SLC25A26: variants seen among roughly 807,000 people sequenced by gnomAD.
SLC25A26 encodes solute carrier family 25 member 26, also known as mitochondrial S-adenosylmethionine carrier protein.
A neutral mutation model predicts 37.8 loss-of-function variants in SLC25A26; 36 were observed. The ratio of observed to expected loss-of-function variants is 0.95; its 90% CI spans 0.73 to 1.26. The LOEUF (loss-of-function observed/expected upper bound fraction) is 1.26. Ranked by LOEUF, SLC25A26 falls within the 50% of genes most tolerant of loss-of-function variation. The probability of loss-of-function intolerance (pLI) is 0.00; values close to 1 mark genes in which losing one functional copy is unlikely to be tolerated. For missense variants in SLC25A26, 390 were observed against 331.1 expected (o/e 1.18, Z -1.38); for synonymous variants, 129 against 122.5 (o/e 1.05, Z -0.35).
intron 5 of SLC25A26, among the ~76,000 whole-genome samples, chr3:66,332,696 G>A (rs1372195061): frequency 6.6e-6 from 1 of 152,130 alleles, no homozygotes; most frequent in African/African-American, 2.4e-5. Context: ...ACAGGCATGA[G>A]CCACTGTGCC....
At chr3:66,285,315 A>G (rs2074474178) in intron 5 of SLC25A26, among the ~76,000 whole-genome samples, 1 of 151,732 alleles carries the variant, frequency 6.6e-6, no homozygotes, top group Non-Finnish European at 1.5e-5. Context: ...AAGCGAAGTA[A>G]GGGGATTTTT....
At chr3:66,237,770 A>G (rs537657832) in intron 2 of SLC25A26, among the ~76,000 whole-genome samples, 8 of 152,318 alleles carry the variant, frequency 5.3e-5, no homozygotes, top group African/African-American at 1.9e-4. Flanking sequence ...AAAAATCACC[A>G]TATATAAGAC....
chr3:66,150,507 AAATATATATATATAATGATAT>A (rs1193961000), intron 1 of SLC25A26, among the ~76,000 whole-genome samples: 4 of 88,890 alleles, frequency 4.5e-5, no homozygotes, highest in African/African-American at 1.5e-4. Context: ...CAAGACAAAA[AAATATATATATATAATGATAT>A]ATATATATAT....
chr3:66,294,846 C>T (rs2074843428), intron 5 of SLC25A26, among the ~76,000 whole-genome samples: 2 of 152,150 alleles, frequency 1.3e-5, no homozygotes, highest in African/African-American at 2.4e-5. Context: ...GACCATGATG[C>T]TCCAGTTTGT....
At chr3:66,160,018 T>G (rs1318543437) in intron 1 of SLC25A26, among the ~76,000 whole-genome samples, 1 of 152,110 alleles carries the variant, frequency 6.6e-6, no homozygotes, top group Non-Finnish European at 1.5e-5. Flanking sequence ...TTTTTTTTCT[T>G]TTTTGGGACA....
At chr3:66,232,085 A>G (rs900046253) in intron 1 of SLC25A26, among the ~76,000 whole-genome samples, 2 of 152,166 alleles carry the variant, frequency 1.3e-5, no homozygotes, top group African/African-American at 2.4e-5. Context: ...ATATTTGTGC[A>G]TTTATTTCTG....
intron 5 of SLC25A26, among the ~76,000 whole-genome samples, chr3:66,302,851 G>A (rs1261289361): frequency 1.3e-5 from 2 of 152,164 alleles, no homozygotes; most frequent in South Asian, 2.1e-4. Flanking sequence ...CCTTCTGAGT[G>A]TGTAAGGGAG....
intron 5 of SLC25A26, among the ~76,000 whole-genome samples, chr3:66,339,347 A>G (rs996052446): frequency 1.3e-5 from 2 of 152,056 alleles, no homozygotes; most frequent in African/African-American, 2.4e-5. Context: ...CATTTTGCAA[A>G]TATTCCACTC....
At chr3:66,239,492 C>T (rs1483346969) in intron 2 of SLC25A26, among the ~76,000 whole-genome samples, 2 of 152,196 alleles carry the variant, frequency 1.3e-5, no homozygotes, top group Non-Finnish European at 2.9e-5. Flanking sequence ...TGTTTACTGA[C>T]TCATGGATGG....
intron 5 of SLC25A26, among the ~76,000 whole-genome samples, chr3:66,289,591 A>G (rs1035358320): frequency 6.6e-6 from 1 of 151,772 alleles, no homozygotes; most frequent in South Asian, 2.1e-4. Context: ...TCCTTCCCCC[A>G]TTGCTTTTTT....
intron 5 of SLC25A26, among the ~76,000 whole-genome samples, chr3:66,304,062 T>G (rs897413863): frequency 1.3e-5 from 2 of 152,226 alleles, no homozygotes; most frequent in Non-Finnish European, 2.9e-5. Context: ...CAGATCTTGT[T>G]AGGAAGGGGC....
chr3:66,201,899 A>G (rs1284869649), intron 1 of SLC25A26, among the ~76,000 whole-genome samples: 1 of 152,220 alleles, frequency 6.6e-6, no homozygotes, highest in Non-Finnish European at 1.5e-5. Context: ...GATGCAATAT[A>G]GAGTACTTTA....
At chr3:66,305,413 C>CAA (rs2075189413) in intron 5 of SLC25A26, among the ~76,000 whole-genome samples, 2 of 152,078 alleles carry the variant, frequency 1.3e-5, no homozygotes, top group South Asian at 4.1e-4. Context: ...TAACAGATAT[C>CAA]AAATTTTTTA....
At chr3:66,265,638 A>G (rs192663723) in intron 5 of SLC25A26, among the ~76,000 whole-genome samples, 143 of 152,368 alleles carry the variant, frequency 9.4e-4, no homozygotes, top group African/African-American at 3.2e-3. Context: ...ACTAGAGATA[A>G]CAATCTTCTT....
At chr3:66,375,171 C>G (rs937949552) in intron 9 of SLC25A26, among the ~76,000 whole-genome samples, 1 of 152,232 alleles carries the variant, frequency 6.6e-6, no homozygotes, top group Non-Finnish European at 1.5e-5. Flanking sequence ...GGCATTAACT[C>G]TCTTCCCTGA....
intron 5 of SLC25A26, among the ~76,000 whole-genome samples, chr3:66,298,797 A>G (rs2074984441): frequency 6.6e-6 from 1 of 152,226 alleles, no homozygotes; most frequent in Non-Finnish European, 1.5e-5. Flanking sequence ...AGAAAGCATT[A>G]CAGGATGACG....
chr3:66,333,332 A>G (rs1045236504), intron 5 of SLC25A26, among the ~76,000 whole-genome samples: 4 of 151,762 alleles, frequency 2.6e-5, no homozygotes, highest in Non-Finnish European at 2.9e-5. Flanking sequence ...TTCTGTCGTC[A>G]TTTCTATTTT....
Position 66,175,101 on chromosome 3 carries a change from G to GTATA in SLC25A26, c.-354+41118_-354+41119insATAT, listed in dbSNP as rs1160021882. ...CAGGACATTATATGTATATGTATAT[G>GTATA]TGTGTGTGTATATATATATATATAT... On this transcript the variant is annotated intron_variant, in intron 1 of 10. Coordinates refer to the SLC25A26 transcript ENST00000676754. Among the ~76,000 whole-genome samples the GTATA allele has an allele frequency of 4.8e-5, 4 of 82,776 alleles. No individual in the cohort carries two copies. In the South Asian group the frequency reaches 1.4e-3, roughly 29 times the overall value. 54.3% of individuals were successfully genotyped at this position (82,776 alleles called of 152,430 possible).
At chr3:66,226,082 A>G (rs1007896863) in intron 1 of SLC25A26, among the ~76,000 whole-genome samples, 1 of 152,132 alleles carries the variant, frequency 6.6e-6, no homozygotes, top group African/African-American at 2.4e-5. Flanking sequence ...GTAGCACCCT[A>G]CTGTGGGTAC....
Sources: gnomAD v4.1 joint callset for allele counts (sites outside exome capture counted in the v4.1 genomes callset) on GRCh38, gnomAD v4.1.1 for gene constraint, MANE v1.5 for transcripts, NCBI Gene and HGNC (gene_info 2026-07-23, HGNC 2026-07-21) for gene names.